MRTFB: variants seen among roughly 807,000 people sequenced by gnomAD.
MRTFB encodes the protein myocardin related transcription factor B, also known as myocardin-related transcription factor B.
In MRTFB, 29 loss-of-function variants were observed where a neutral mutation model predicts 104.2. The observed-to-expected ratio is 0.28, with a 90% CI of 0.21 to 0.38. The LOEUF (loss-of-function observed/expected upper bound fraction) is 0.38, where lower values mean the gene tolerates loss of function less well. MRTFB is among the 10% of genes least tolerant of loss of function. MRTFB has a pLI of 1.00. For synonymous variants in MRTFB, 535 were observed against 519.5 expected (o/e 1.03, Z -0.41); for missense variants, 1,270 against 1,341.6 (o/e 0.95, Z 0.83).
chr16:14,161,970 AT>A (rs1406431570), intron 3 of MRTFB, among the ~76,000 whole-genome samples: 1 of 152,068 alleles, frequency 6.6e-6, no homozygotes, highest in Non-Finnish European at 1.5e-5. Flanking sequence ...GGGTGTCAGA[AT>A]TACACTTCTA....
At chr16:14,200,169 A>G (rs2040619082) in intron 3 of MRTFB, 1 of 826,790 alleles carries the variant, frequency 1.2e-6, no homozygotes, top group Non-Finnish European at 1.8e-6. Context: ...GATGCCCCCA[A>G]AATGAATGAG....
chr16:14,089,815 T>A (rs990757523), intron 2 of MRTFB, among the ~76,000 whole-genome samples: 1 of 152,210 alleles, frequency 6.6e-6, no homozygotes, highest in Non-Finnish European at 1.5e-5. Context: ...GATTGTGTTT[T>A]TCGTAGTAGC....
At chr16:14,232,053 TATTAC>T (rs2042292454) in intron 8 of MRTFB, among the ~76,000 whole-genome samples, 1 of 152,188 alleles carries the variant, frequency 6.6e-6, no homozygotes, top group Non-Finnish European at 1.5e-5. Flanking sequence ...ACATCATAAA[TATTAC>T]ATTTGATACT....
chr16:14,059,523 C>T, the MRTFB span, among the ~76,000 whole-genome samples: 2 of 152,118 alleles, frequency 1.3e-5, no homozygotes, highest in Non-Finnish European at 2.9e-5. Flanking sequence ...AAGCTCTGCC[C>T]TCCACACAGA....
chr16:14,046,935 G>A, the MRTFB span, among the ~76,000 whole-genome samples: 2 of 152,156 alleles, frequency 1.3e-5, no homozygotes, highest in African/African-American at 4.8e-5. Flanking sequence ...ATCTGTCAAG[G>A]TGTTGTGATG....
chr16:14,000,106 CAGAG>C, the MRTFB span, among the ~76,000 whole-genome samples: 1 of 150,914 alleles, frequency 6.6e-6, no homozygotes, highest in Non-Finnish European at 1.5e-5. Flanking sequence ...GCTGGAGAGA[CAGAG>C]AGAGAGAGAG....
At chr16:14,147,754 A>C (rs1271592359) in intron 3 of MRTFB, among the ~76,000 whole-genome samples, 2 of 152,086 alleles carry the variant, frequency 1.3e-5, no homozygotes, top group Admixed American at 6.5e-5. Flanking sequence ...AAGACCATGG[A>C]CCCCATTACA....
chr16:14,135,060 C>G (rs1253915446), intron 2 of MRTFB, among the ~76,000 whole-genome samples: 1 of 152,170 alleles, frequency 6.6e-6, no homozygotes, highest in African/African-American at 2.4e-5. Context: ...AATGATTTGC[C>G]TGAAGTCAAA....
chr16:14,234,180 T>C lies in MRTFB; in HGVS notation c.728T>C (p.Leu243Ser), dbSNP rs776546610. Residue 243 changes from leucine to serine, a missense_variant, in exon 9 of 17, where the codon TTG becomes TCG. Physicochemically the swap from Leu to Ser is moderately radical, Grantham distance 145 (BLOSUM62 -2). Transcript: ENST00000571589. ...GTGTCCCCAACAGTTCCTGAATTCT[T>C]GAAAACTCCTCCAACTGCAGATCAG... The part of the protein sequence containing the change: ...ASVSPTVPEF[L>S]KTPPTADQPP... The C allele has an allele frequency of 6.2e-7, 1 of 1,614,162 alleles. No homozygotes were observed.
chr16:14,207,681 TG>T (rs2041010116), intron 3 of MRTFB, among the ~76,000 whole-genome samples: 1 of 152,212 alleles, frequency 6.6e-6, no homozygotes, highest in African/African-American at 2.4e-5. Context: ...AGAGAGGGCA[TG>T]GGAGCTCTGT....
chr16:14,192,947 A>G (rs2040251465), intron 3 of MRTFB, among the ~76,000 whole-genome samples: 1 of 152,136 alleles, frequency 6.6e-6, no homozygotes, highest in South Asian at 2.1e-4. Context: ...TCCTGCCGCC[A>G]AAGCTGCCAA....
upstream of MRTFB, among the ~76,000 whole-genome samples, chr16:14,067,886 C>A (rs1002917114): frequency 6.6e-6 from 1 of 152,104 alleles, no homozygotes; most frequent in Non-Finnish European, 1.5e-5. Context: ...GGCTGGAGTG[C>A]AGTGGTGTAA....
chr16:14,023,608 CACATACATATACATATACATAT>C, the MRTFB span, among the ~76,000 whole-genome samples: 32 of 70,158 alleles, frequency 4.6e-4, no homozygotes, highest in Admixed American at 1.2e-3. Flanking sequence ...CACACACACA[CACATACATATACATATACATAT>C]ACATATACAT....
intron 3 of MRTFB, chr16:14,199,943 T>G (rs1164078382): frequency 4.3e-6 from 1 of 234,184 alleles, no homozygotes; most frequent in African/African-American, 2.3e-5. Flanking sequence ...ACTAGTACCC[T>G]TAGGTGAGAG....
the MRTFB span, among the ~76,000 whole-genome samples, chr16:14,025,398 A>G: frequency 3.9e-5 from 6 of 152,122 alleles, no homozygotes; most frequent in African/African-American, 2.4e-5. Flanking sequence ...TGCTCAGCCT[A>G]AGGATGAAGT....
chr16:14,014,732 G>A, the MRTFB span, among the ~76,000 whole-genome samples: 1 of 152,150 alleles, frequency 6.6e-6, no homozygotes, highest in Admixed American at 6.5e-5. Flanking sequence ...GCCGGGCATG[G>A]TGGTGGGTGC....
intron 3 of MRTFB, among the ~76,000 whole-genome samples, chr16:14,209,359 G>A (rs902675081): frequency 1.3e-5 from 2 of 152,072 alleles, no homozygotes; most frequent in Non-Finnish European, 2.9e-5. Context: ...TTTCATCCAT[G>A]GTTTGAAACA....
At chr16:14,040,299 C>G in the MRTFB span, among the ~76,000 whole-genome samples, 2 of 152,260 alleles carry the variant, frequency 1.3e-5, no homozygotes, top group African/African-American at 2.4e-5. Context: ...AACTGACCAT[C>G]CTCTTACATG....
At position 14,252,519 on chromosome 16, in the gene MRTFB, T is replaced by C. The variant is rs1438303722; in HGVS notation, c.2703+17T>C. The C allele has an allele frequency of 1.9e-6, 3 of 1,613,696 alleles. No individual in the cohort carries two copies. The South Asian group carries it at 3.3e-5, about 18-fold the overall frequency. On this transcript the variant is annotated intron_variant, in intron 15 of 16. Coordinates refer to ENST00000571589, the MANE Select transcript of MRTFB (RefSeq NM_001308142.2). Reference sequence around the variant, plus strand: ...CTGCCAGAGGTAAGTGAGGGCACGGTCATGGTGCATAAGGCTATGGTGGAT... The same window carrying C: ...CTGCCAGAGGTAAGTGAGGGCACGGCCATGGTGCATAAGGCTATGGTGGAT...
Sources: gnomAD v4.1 joint callset for allele counts (sites outside exome capture counted in the v4.1 genomes callset) on GRCh38, gnomAD v4.1.1 for gene constraint, MANE v1.5 for transcripts, NCBI Gene and HGNC (gene_info 2026-07-23, HGNC 2026-07-21) for gene names.